EPN1: variants seen among roughly 807,000 people sequenced by gnomAD.
EPN1 encodes the protein epsin-1.
EPN1 carries 25 observed loss-of-function variants against 56.9 expected under a neutral mutation model. The observed-to-expected ratio is 0.44, with a 90% confidence interval of 0.32 to 0.61. The LOEUF (loss-of-function observed/expected upper bound fraction) is 0.61, where lower values mean the gene tolerates loss of function less well. EPN1 is among the 20% of genes least tolerant of loss of function. EPN1 has a pLI of 0.05. For missense variants in EPN1, 785 were observed against 823.7 expected (o/e 0.95, Z 0.58); for synonymous variants, 411 against 361.8 (o/e 1.14, Z -1.54).
chr19:55,708,955 G>C lies in EPN1; in HGVS notation c.*13599G>C, dbSNP rs1987569411. The C allele has an allele frequency of 6.3e-7, 1 of 1,583,942 alleles. No individual in the cohort carries two copies. Among genetic ancestry groups the C allele is most frequent in the African/African-American group, 1.4e-5 (1 of 72,978 alleles). On this transcript the variant is annotated 3_prime_UTR_variant, in exon 11 of 11. Coordinates refer to ENST00000270460, the MANE Select transcript of EPN1 (RefSeq NM_001130072.2). ...GATCTTGTATTCCTCGTCAATCCAA[G>C]GTCCATGTGAAATGGTCAGATGGGG...
At position 55,708,764 on chromosome 19, in the gene EPN1, T is replaced by C. The variant is rs1987555043; in HGVS notation, c.*13408T>C. On this transcript the variant is annotated 3_prime_UTR_variant, in exon 11 of 11. Transcript: ENST00000270460. ...AGCATGTACACTGAATCACACTCCA[T>C]AATCATATTGCTAGAACACTTAGGG... 1.8e-6 allele frequency: 1 copy of C among 561,206 alleles called. No homozygotes were observed. The highest frequency in any genetic ancestry group is 3.1e-6 in the Non-Finnish European group (1 of 320,562). 34.8% of individuals were successfully genotyped at this position (561,206 alleles called of 1,614,324 possible).
In EPN1 at chr19:55,698,983, A is replaced by G. The variant is rs1568585212; in HGVS notation, c.*3627A>G. ...ATGGTCTCGATCTCCTGACCTCGTG[A>G]TCCGCCTGCCTCGGCCTCCCAAAGT... On this transcript the variant is annotated 3_prime_UTR_variant, in exon 11 of 11. Coordinates refer to ENST00000270460, the MANE Select transcript of EPN1 (RefSeq NM_001130072.2). The G allele has an allele frequency of 1.3e-5, 2 of 152,162 alleles. No individual in the cohort carries two copies. Among genetic ancestry groups the G allele is most frequent in the African/African-American group, 4.8e-5 (2 of 41,418 alleles). 9.4% of individuals were successfully genotyped at this position (152,162 alleles called of 1,614,324 possible).
rs1467472762 is a variant in EPN1, at chr19:55,695,017, C to T, written c.1522+34C>T. On this transcript the variant is annotated intron_variant, in intron 10 of 10. Coordinates refer to ENST00000270460, the MANE Select transcript of EPN1 (RefSeq NM_001130072.2). This position sits in a 1 kb window ranked among gnomAD's most constrained non-coding sequence, Gnocchi z 4.4. ...GGGCCCATCACCTGCTCAAGTCCTT[C>T]CTGTGGGTTCCACCAGAGGAGGTGC... The T allele has an allele frequency of 1.3e-6, 2 of 1,561,106 alleles. No individual in the cohort carries two copies. The highest frequency in any genetic ancestry group is 1.7e-6 in the Non-Finnish European group (2 of 1,153,944).
At chr19:55,678,293 G>C (rs905205398) in intron 1 of EPN1, among the ~76,000 whole-genome samples, 8 of 152,234 alleles carry the variant, frequency 5.3e-5, no homozygotes, top group African/African-American at 1.9e-4. Flanking sequence ...TGCTGAGCCA[G>C]GTTGTGGGGC....
Position 55,695,511 on chromosome 19 carries a change from C to T in EPN1, c.*155C>T, listed in dbSNP as rs1208358602. The T allele has an allele frequency of 1.7e-6, 1 of 593,820 alleles. No homozygotes were observed. The highest frequency in any genetic ancestry group is 2.0e-5 in the South Asian group (1 of 48,880). The allele number at this position is 593,820 out of a possible 1,614,324, so 36.8% of individuals were successfully genotyped here. ...ACACTACACCCTCTTCCTTTCCCAC[C>T]CCACCTCCCCGGAGAGAAACTGGAC... On this transcript the variant is annotated 3_prime_UTR_variant, in exon 11 of 11. Transcript: ENST00000270460. The surrounding 1 kb of genome is among the most constrained non-coding windows in gnomAD (Gnocchi z 4.4).
At position 55,705,125 on chromosome 19, in the gene EPN1, T is replaced by C. The variant is rs1046972837; in HGVS notation, c.*9769T>C. On this transcript the variant is annotated 3_prime_UTR_variant, in exon 11 of 11. Transcript: ENST00000270460. Reference sequence around the variant, plus strand: ...GGTTGGAAGCCTCACTGGCCTGAGGTTTCTGAGTAAGCTCTGACCCAATCA... The same window carrying C: ...GGTTGGAAGCCTCACTGGCCTGAGGCTTCTGAGTAAGCTCTGACCCAATCA... The C allele has an allele frequency of 6.6e-6, 1 of 152,190 alleles. No individual in the cohort carries two copies. The highest frequency in any genetic ancestry group is 2.4e-5 in the African/African-American group (1 of 41,442). 9.4% of individuals were successfully genotyped at this position (152,190 alleles called of 1,614,324 possible).
In EPN1 at chr19:55,695,513, C is replaced by T. The variant is rs1986868540; in HGVS notation, c.*157C>T. The T allele has an allele frequency of 3.4e-6, 2 of 593,566 alleles. No individual in the cohort carries two copies. Among genetic ancestry groups the T allele is most frequent in the South Asian group, 4.1e-5 (2 of 48,854 alleles). 36.8% of individuals were successfully genotyped at this position (593,566 alleles called of 1,614,324 possible). Reference sequence around the variant, plus strand: ...ACTACACCCTCTTCCTTTCCCACCCCACCTCCCCGGAGAGAAACTGGACAT... The same window carrying T: ...ACTACACCCTCTTCCTTTCCCACCCTACCTCCCCGGAGAGAAACTGGACAT... On this transcript the variant is annotated 3_prime_UTR_variant, in exon 11 of 11. Transcript: ENST00000270460. The surrounding 1 kb of genome is among the most constrained non-coding windows in gnomAD (Gnocchi z 4.4).
At position 55,703,798 on chromosome 19, in the gene EPN1, A is replaced by AT. The variant is rs1310841243; in HGVS notation, c.*8445dup. On this transcript the variant is annotated 3_prime_UTR_variant, in exon 11 of 11. Transcript: ENST00000270460. ...TTTTAATCTTGCCAATTTTTGATGG[A>AT]TTTAAGTTTAAGCACCTGCGTGTGA... The AT allele has an allele frequency of 6.6e-6, 1 of 152,212 alleles. No homozygotes were observed. The highest frequency in any genetic ancestry group is 6.5e-5 in the Admixed American group (1 of 15,272). The allele number at this position is 152,212 out of a possible 1,614,324, so 9.4% of individuals were successfully genotyped here.
intron 3 of EPN1, 130 bp downstream of exon 3, chr19:55,685,775 C>T: frequency 8.3e-7 from 1 of 1,210,880 alleles, no homozygotes; most frequent in Non-Finnish European, 1.1e-6. Flanking sequence ...TGCTTCTCCT[C>T]ACCTGGGCCC....
Position 55,694,586 on chromosome 19 carries a change from C to A in EPN1, c.1265-140C>A. 1 of 1,074,564 alleles carries A rather than the reference C, an allele frequency of 9.3e-7. No homozygotes were observed. The highest frequency in any genetic ancestry group is 1.3e-6 in the Non-Finnish European group (1 of 789,016). The allele number at this position is 1,074,564 out of a possible 1,614,324, so 66.6% of individuals were successfully genotyped here. On this transcript the variant is annotated intron_variant, in intron 9 of 10. Transcript: ENST00000270460. The surrounding 1 kb of genome is among the most constrained non-coding windows in gnomAD (Gnocchi z 4.2). ...TTGGCCTGGGCAAGCGATGCTTCCG[C>A]TCTGCACCTCAGTTCCTCCTTCCCG...
rs1427699596 is a variant in EPN1, at chr19:55,700,670, G to A, written c.*5314G>A. 6.6e-6 allele frequency: 1 copy of A among 152,224 alleles called. No individual in the cohort carries two copies. The highest frequency in any genetic ancestry group is 1.9e-4 in the East Asian group (1 of 5,192). 9.4% of individuals were successfully genotyped at this position (152,224 alleles called of 1,614,324 possible). A position where few individuals can be genotyped will look rare whatever the true frequency, so the allele number is the denominator to read the frequency against. On this transcript the variant is annotated 3_prime_UTR_variant, in exon 11 of 11. Coordinates refer to ENST00000270460, the MANE Select transcript of EPN1 (RefSeq NM_001130072.2). Reference sequence around the variant, plus strand: ...TCGTGTTCAGCCATCATTTACATTTGAACCACTCCTGTTTCACCTACAGCC... The same window carrying A: ...TCGTGTTCAGCCATCATTTACATTTAAACCACTCCTGTTTCACCTACAGCC...
chr19:55,678,996 T>C, intron 2 of EPN1, 141 bp downstream of exon 2: 2 of 641,024 alleles, frequency 3.1e-6, no homozygotes, highest in South Asian at 2.0e-5. Context: ...TTTTGTTTAA[T>C]GAAGGCAACG....
At chr19:55,676,391 T>C (rs1319366039) in intron 1 of EPN1, among the ~76,000 whole-genome samples, 1 of 152,272 alleles carries the variant, frequency 6.6e-6, no homozygotes, top group East Asian at 1.9e-4. Context: ...TTCTAAGCAG[T>C]ATCTGAGAAA....
rs1372243951 is a variant in EPN1, at chr19:55,705,805, TGG to T, written c.*10451_*10452del. The T allele has an allele frequency of 1.4e-5, 1 of 71,106 alleles. No homozygotes were observed. Among genetic ancestry groups the T allele is most frequent in the Non-Finnish European group, 2.8e-5 (1 of 35,302 alleles). 4.4% of individuals were successfully genotyped at this position (71,106 alleles called of 1,614,324 possible). A position where few individuals can be genotyped will look rare whatever the true frequency, so the allele number is the denominator to read the frequency against. On this transcript the variant is annotated 3_prime_UTR_variant, in exon 11 of 11. Coordinates refer to ENST00000270460, the MANE Select transcript of EPN1 (RefSeq NM_001130072.2). Reference sequence around the variant, plus strand: ...ATTGTGGCTGGAATATTTGTTGTTGTGGGATATATATATATATATATATTTAG... The same window carrying T: ...ATTGTGGCTGGAATATTTGTTGTTGTGATATATATATATATATATATTTAG...
At chr19:55,690,248 T>A (rs1435752484) in intron 6 of EPN1, among the ~76,000 whole-genome samples, 2 of 152,248 alleles carry the variant, frequency 1.3e-5, no homozygotes, top group Non-Finnish European at 2.9e-5. Flanking sequence ...AGGCCCAGAA[T>A]AGGCCAACAG....
chr19:55,679,150 C>A (rs937992752), intron 2 of EPN1, among the ~76,000 whole-genome samples: 1 of 152,242 alleles, frequency 6.6e-6, no homozygotes, highest in East Asian at 1.9e-4. Flanking sequence ...CAGTTCCTTT[C>A]CTCACAGCAG....
chr19:55,688,718 C>T (rs1286917075), intron 3 of EPN1, among the ~76,000 whole-genome samples, 152 bp from the exon 4 acceptor site: 1 of 152,046 alleles, frequency 6.6e-6, no homozygotes, highest in Non-Finnish European at 1.5e-5. Flanking sequence ...CTGGTCTCCG[C>T]CTCTCAGTCC....
chr19:55,679,458 A>G (rs1321553497), intron 2 of EPN1, among the ~76,000 whole-genome samples: 1 of 152,164 alleles, frequency 6.6e-6, no homozygotes, highest in African/African-American at 2.4e-5. Context: ...GTGAGGGCCC[A>G]TGGAGCCGAT....
intron 9 of EPN1, chr19:55,693,315 T>C (rs1041451242): frequency 4.8e-6 from 2 of 418,454 alleles, no homozygotes; most frequent in African/African-American, 4.0e-5. Context: ...GCCTCCACGT[T>C]GCTTGAGTGC....
Sources: gnomAD v4.1 joint callset for allele counts (sites outside exome capture counted in the v4.1 genomes callset) on GRCh38, gnomAD v4.1.1 for gene constraint, Gnocchi (gnomAD v3.1) non-coding constraint, MANE v1.5 for transcripts, NCBI Gene and HGNC (gene_info 2026-07-23, HGNC 2026-07-21) for gene names.